The following NTRK2 variants were observed in gnomAD, a reference collection of about 807,000 sequenced individuals.
NTRK2 encodes neurotrophic receptor tyrosine kinase 2, also known as BDNF/NT-3 growth factors receptor.
NTRK2 carries 13 observed loss-of-function variants against 94.5 expected under a neutral mutation model. The ratio of observed to expected loss-of-function variants is 0.14; its 90% CI spans 0.09 to 0.22. NTRK2 has a LOEUF of 0.22. Among genes scored for constraint, NTRK2 ranks in the 10% least tolerant of loss-of-function variants. NTRK2 has a pLI of 1.00. For missense variants in NTRK2, 639 were observed against 1,071.2 expected, an observed-to-expected ratio of 0.60 and a Z score of 5.63; for synonymous variants, 372 against 407.4, an observed-to-expected ratio of 0.91 and a Z score of 1.05.
At chr9:84,904,961 G>T (rs1402605082) in intron 14 of NTRK2, among the ~76,000 whole-genome samples, 1 of 152,102 alleles carries the variant, frequency 6.6e-6, no homozygotes, top group Non-Finnish European at 1.5e-5. Flanking sequence ...GATCATTAAA[G>T]ATTTTTTTTC....
intron 12 of NTRK2, among the ~76,000 whole-genome samples, chr9:84,830,170 AG>A (rs1373486003): frequency 6.6e-5 from 10 of 152,346 alleles, no homozygotes; most frequent in African/African-American, 2.2e-4. Context: ...CAACGACAGC[AG>A]GTCAAGACAT....
At chr9:84,916,102 T>A (rs1202844973) in intron 14 of NTRK2, among the ~76,000 whole-genome samples, 1 of 151,892 alleles carries the variant, frequency 6.6e-6, no homozygotes, top group African/African-American at 2.4e-5. Context: ...AAAGGGTAGG[T>A]CAAGTCTACC....
At chr9:84,965,942 A>C (rs1825506274) in intron 17 of NTRK2, among the ~76,000 whole-genome samples, 1 of 152,194 alleles carries the variant, frequency 6.6e-6, no homozygotes, top group African/African-American at 2.4e-5. Flanking sequence ...TGTTACATCA[A>C]CGTAGCATAA....
At chr9:84,811,927 C>CCCGT in intron 12 of NTRK2, 1 of 980,220 alleles carries the variant, frequency 1.0e-6, no homozygotes, top group Non-Finnish European at 1.2e-6. Flanking sequence ...CCACCCCACC[C>CCCGT]TGTTCCTTTT....
chr9:84,803,486 G>A (rs1340085654), intron 12 of NTRK2, among the ~76,000 whole-genome samples: 2 of 152,154 alleles, frequency 1.3e-5, no homozygotes, highest in Non-Finnish European at 2.9e-5. Context: ...GGCTGTTAAT[G>A]TCCTCACTTG....
At chr9:84,998,806 T>G (rs1830041346) in intron 17 of NTRK2, among the ~76,000 whole-genome samples, 1 of 152,200 alleles carries the variant, frequency 6.6e-6, no homozygotes, top group African/African-American at 2.4e-5. Flanking sequence ...TGGAAGGACC[T>G]CATTTACACA....
In NTRK2 at chr9:85,023,022, T is replaced by C. The variant is rs1832859258; in HGVS notation, c.*1585T>C. 1 of 233,076 alleles carries C rather than the reference T, an allele frequency of 4.3e-6. No homozygotes were observed. The highest frequency in any genetic ancestry group is 8.5e-6 in the Non-Finnish European group (1 of 118,012). The allele number at this position is 233,076 out of a possible 1,614,324, so 14.4% of individuals were successfully genotyped here. On this transcript the variant is annotated 3_prime_UTR_variant, in exon 19 of 19. Transcript: ENST00000277120. Reference sequence around the variant, plus strand: ...CCATTGTCAGTATGCTGTTTTTGTTTCCTTCACTCCATTCAAAAAGTCAAA... The same window carrying C: ...CCATTGTCAGTATGCTGTTTTTGTTCCCTTCACTCCATTCAAAAAGTCAAA...
intron 14 of NTRK2, chr9:84,878,006 A>G: frequency 1.1e-6 from 1 of 949,576 alleles, no homozygotes; most frequent in Non-Finnish European, 1.3e-6. Context: ...ACAGAGCTCT[A>G]GAAGTTGTCC....
chr9:84,738,300 T>A (rs1270687762), intron 9 of NTRK2, among the ~76,000 whole-genome samples: 1 of 149,448 alleles, frequency 6.7e-6, no homozygotes, highest in Non-Finnish European at 1.5e-5. Flanking sequence ...TTTCATTAAT[T>A]CTCTTCTTCT....
Position 84,907,107 on chromosome 9 carries a change from C to T in NTRK2, c.1634-27055C>T, listed in dbSNP as rs114417362. On this transcript the variant is annotated intron_variant, in intron 14 of 18. Coordinates refer to ENST00000277120, the MANE Select transcript of NTRK2 (RefSeq NM_006180.6). ...ATTTCTTGGATTGAAACATGGAAAT[C>T]TACTTTAAACCACACCAAAAAGATG... Among the ~76,000 whole-genome samples the T allele has an allele frequency of 2.3e-3, 346 of 152,174 alleles. 1 individual carries two copies. Among genetic ancestry groups the T allele is most frequent in the African/African-American group, 8.2e-3 (339 of 41,516 alleles).
chr9:84,709,070 T>A (rs13288194), intron 5 of NTRK2, among the ~76,000 whole-genome samples: 3,921 of 152,356 alleles, frequency 0.026, 72 homozygotes, highest in Admixed American at 0.047. Context: ...AAATGTTAAT[T>A]GTGTACCTAT....
rs1216702450 is a variant in NTRK2, at chr9:84,921,430, G to T, written c.1634-12732G>T. On this transcript the variant is annotated intron_variant, in intron 14 of 18. Coordinates refer to ENST00000277120, the MANE Select transcript of NTRK2 (RefSeq NM_006180.6). ...AGCTCATAAACTACTTTTAACACCA[G>T]TGATTCTTGACATGAGTTCACACCA... Among the ~76,000 whole-genome samples the T allele has an allele frequency of 2.6e-5, 4 of 152,132 alleles. No homozygotes were observed. The East Asian group carries it at 7.7e-4, about 29-fold the overall frequency.
At chr9:84,935,343 A>G (rs1806013798) in intron 15 of NTRK2, among the ~76,000 whole-genome samples, 1 of 152,248 alleles carries the variant, frequency 6.6e-6, no homozygotes, top group African/African-American at 2.4e-5. Flanking sequence ...AAAATGTTTC[A>G]GTACATACAT....
At chr9:84,901,199 G>GTTTTATTTTATTTTATTTTATTTTA (rs550196757) in intron 14 of NTRK2, among the ~76,000 whole-genome samples, 1,426 of 131,560 alleles carry the variant, frequency 0.011, 25 homozygotes, top group Middle Eastern at 0.023. Context: ...GTTTTGTTTT[G>GTTTTATTTTATTTTATTTTATTTTA]TTTTGTTTTA....
At chr9:84,973,895 C>A (rs1471516158) in intron 17 of NTRK2, among the ~76,000 whole-genome samples, 13 of 152,110 alleles carry the variant, frequency 8.5e-5, no homozygotes, top group Admixed American at 7.9e-4. Context: ...TTAAAAAAAA[C>A]AAAGATACAG....
At chr9:84,678,761 A>T (rs955651276) in intron 2 of NTRK2, among the ~76,000 whole-genome samples, 18 of 152,150 alleles carry the variant, frequency 1.2e-4, no homozygotes, top group Admixed American at 4.6e-4. Flanking sequence ...AACAAAACAA[A>T]ACCCCAAACC....
chr9:84,810,432 T>G, intron 12 of NTRK2: 2 of 1,026,336 alleles, frequency 1.9e-6, no homozygotes, highest in Non-Finnish European at 3.0e-6. Flanking sequence ...TTGTGTCTCA[T>G]TTTTGATGTT....
intron 14 of NTRK2, among the ~76,000 whole-genome samples, chr9:84,871,291 G>A (rs2075856432): frequency 6.6e-6 from 1 of 152,136 alleles, no homozygotes; most frequent in African/African-American, 2.4e-5. Flanking sequence ...TATGGGCCTG[G>A]TATTGACAGA....
chr9:84,861,146 T>C, intron 13 of NTRK2, 59 bp downstream of exon 13: 1 of 1,305,294 alleles, frequency 7.7e-7, no homozygotes, highest in Non-Finnish European at 1.1e-6. Flanking sequence ...TTTATTCGGA[T>C]GAAAATGCTT....
Sources: gnomAD v4.1 joint callset for allele counts (sites outside exome capture counted in the v4.1 genomes callset) on GRCh38, gnomAD v4.1.1 for gene constraint, MANE v1.5 for transcripts, NCBI Gene and HGNC (gene_info 2026-07-23, HGNC 2026-07-21) for gene names.